ADCY9: variants seen among roughly 807,000 people sequenced by gnomAD.
ADCY9 encodes adenylate cyclase type 9.
Under a neutral mutation model 101.5 loss-of-function variants are expected in ADCY9, and 50 were observed. The ratio of observed to expected loss-of-function variants is 0.49; its 90% CI spans 0.39 to 0.62. The LOEUF (loss-of-function observed/expected upper bound fraction) is 0.62, where lower values mean the gene tolerates loss of function less well. Among genes scored for constraint, ADCY9 ranks in the 20% least tolerant of loss-of-function variants. The pLI is 0.00. For missense variants in ADCY9, 1,662 were observed against 1,800.4 expected (o/e 0.92, Z 1.39); for synonymous variants, 905 against 769.3 (o/e 1.18, Z -2.92).
At chr16:4,000,967 C>CCACACACA (rs2056325362) in intron 3 of ADCY9, among the ~76,000 whole-genome samples, 2 of 27,952 alleles carry the variant, frequency 7.2e-5, no homozygotes, top group Admixed American at 8.9e-4. Flanking sequence ...ATCCCTCTCT[C>CCACACACA]TACACACACA....
intron 2 of ADCY9, among the ~76,000 whole-genome samples, chr16:4,097,457 T>C (rs2057011286): frequency 7.5e-5 from 1 of 13,322 alleles, no homozygotes; most frequent in South Asian, 9.1e-3. Context: ...GAGTTACATA[T>C]ATATATATAT....
chr16:4,084,721 C>G (rs1313098230), intron 2 of ADCY9, among the ~76,000 whole-genome samples: 1 of 151,452 alleles, frequency 6.6e-6, no homozygotes, highest in Non-Finnish European at 1.5e-5. Flanking sequence ...GTGAGACTGT[C>G]TCAAAAACAA....
intron 5 of ADCY9, among the ~76,000 whole-genome samples, chr16:3,957,184 T>C (rs1381193499): frequency 6.6e-6 from 1 of 152,228 alleles, no homozygotes; most frequent in Non-Finnish European, 1.5e-5. Flanking sequence ...TGTTTCTGGC[T>C]GTTACCAGCA....
intron 2 of ADCY9, among the ~76,000 whole-genome samples, chr16:4,081,073 G>A (rs1171004762): frequency 1.3e-5 from 2 of 152,184 alleles, no homozygotes; most frequent in African/African-American, 4.8e-5. Flanking sequence ...ATATTTCTAG[G>A]TCTGTGCTTT....
At chr16:4,037,708 G>T (rs1281349115) in intron 2 of ADCY9, among the ~76,000 whole-genome samples, 1 of 152,150 alleles carries the variant, frequency 6.6e-6, no homozygotes, top group African/African-American at 2.4e-5. Flanking sequence ...GCATTTCTCT[G>T]TGATGAGTGA....
Position 3,966,023 on chromosome 16 carries a change from G to A in ADCY9, c.3814C>T (p.Arg1272Trp), listed in dbSNP as rs371680928. The change falls in exon 11 of 11, where the codon CGG (arginine) becomes TGG (tryptophan). Residue 1272 changes from arginine to tryptophan, a missense_variant. By Grantham distance (101) the Arg-to-Trp change is moderately radical. Coordinates refer to ENST00000294016, the MANE Select transcript of ADCY9 (RefSeq NM_001116.4). Reference sequence around the variant, plus strand: ...TTGGCAATCTCGTCTGTGGGAGACCGTCCGATGCTGCCATCCACCTGGACG... The same window carrying A: ...TTGGCAATCTCGTCTGTGGGAGACCATCCGATGCTGCCATCCACCTGGACG... ...IRVQVDGSIG[R>W]SPTDEIANLV... 9.3e-6 allele frequency: 15 copies of A among 1,614,080 alleles called. No homozygotes were observed. Among genetic ancestry groups the A allele is most frequent in the South Asian group, 3.3e-5 (3 of 91,088 alleles).
At chr16:3,958,604 G>A (rs1341089607), downstream of ADCY9, among the ~76,000 whole-genome samples, 1 of 148,374 alleles carries the variant, frequency 6.7e-6, no homozygotes, top group East Asian at 2.0e-4. Context: ...CAGCTGCCAT[G>A]AGCTCCTTCA....
At chr16:3,974,093 G>A (rs1273188728) in intron 10 of ADCY9, among the ~76,000 whole-genome samples, 3 of 152,220 alleles carry the variant, frequency 2.0e-5, no homozygotes, top group Non-Finnish European at 4.4e-5. Context: ...CCAGGCTGGA[G>A]TGCAGTGGCA....
intron 3 of ADCY9, among the ~76,000 whole-genome samples, chr16:4,005,956 AT>A (rs1454474203): frequency 6.6e-6 from 1 of 152,066 alleles, no homozygotes; most frequent in Non-Finnish European, 1.5e-5. Flanking sequence ...CCAGAGCTCC[AT>A]TTTCTGACTC....
intron 10 of ADCY9, among the ~76,000 whole-genome samples, chr16:3,971,089 C>G (rs1350443645): frequency 6.6e-6 from 1 of 152,122 alleles, no homozygotes; most frequent in Non-Finnish European, 1.5e-5. Flanking sequence ...CGCTTTCCTG[C>G]TGGAAGTCTG....
At chr16:4,054,836 G>C (rs1028850767) in intron 2 of ADCY9, among the ~76,000 whole-genome samples, 2 of 152,018 alleles carry the variant, frequency 1.3e-5, no homozygotes, top group African/African-American at 4.8e-5. Flanking sequence ...CAAAGTGCTG[G>C]GATTACAGGT....
intron 2 of ADCY9, among the ~76,000 whole-genome samples, chr16:4,035,998 C>CAAAAAAA (rs55792873): frequency 1.7e-4 from 4 of 23,164 alleles, no homozygotes; most frequent in African/African-American, 4.9e-4. Flanking sequence ...AACTCCATCT[C>CAAAAAAA]AAAAAAAAAA....
At chr16:4,053,485 G>T (rs1050535776) in intron 2 of ADCY9, among the ~76,000 whole-genome samples, 3 of 152,188 alleles carry the variant, frequency 2.0e-5, no homozygotes, top group Non-Finnish European at 2.9e-5. Context: ...CCTCTGGAGC[G>T]CTTCACGTGC....
chr16:3,979,333 G>A, intron 7 of ADCY9, 58 bp from the exon 8 acceptor site: 3 of 1,592,874 alleles, frequency 1.9e-6, no homozygotes, highest in East Asian at 4.5e-5. Flanking sequence ...TCATCGGCCA[G>A]GAGACAGGTG....
chr16:4,097,542 T>TAC (rs2057013960), intron 2 of ADCY9, among the ~76,000 whole-genome samples: 1 of 49,740 alleles, frequency 2.0e-5, no homozygotes, highest in Non-Finnish European at 3.7e-5. Context: ...TATATATATA[T>TAC]ATATATATAT....
Position 3,992,304 on chromosome 16 carries a change from C to A in ADCY9, c.2049G>T (p.Glu683Asp). The A allele has an allele frequency of 2.5e-6, 4 of 1,614,152 alleles. No individual in the cohort carries two copies. The South Asian group carries it at 3.3e-5, about 13-fold the overall frequency. Residue 683 changes from glutamate (E) to aspartate (D), a missense_variant, in exon 5 of 11, where the codon GAG (glutamate) becomes GAT (aspartate). Physicochemically the swap from Glu to Asp is conservative, Grantham distance 45. This residue lies in a region of ADCY9 where 624 missense variants were observed against 639.1 expected (regional missense o/e 0.98). Coordinates refer to ENST00000294016, the MANE Select transcript of ADCY9 (RefSeq NM_001116.4). The surrounding 1 kb of genome is among the most constrained non-coding windows in gnomAD (Gnocchi z 4.2). ...GAGAAGTCTGACTGTTGGTGAGCTT[C>A]TCCTCTTGGGGAGGGCTGAGGAGCC... Reference protein sequence around the residue: ...QNGLLSPPQEEKLTNSQTSLC... With the variant: ...QNGLLSPPQEDKLTNSQTSLC...
intron 6 of ADCY9, among the ~76,000 whole-genome samples, chr16:3,987,266 G>A (rs946071594): frequency 9.2e-5 from 14 of 152,342 alleles, no homozygotes; most frequent in East Asian, 1.9e-4. Context: ...ATCAGGCCAC[G>A]TCTTTCCCCC....
chr16:3,993,147 C>T (rs558364493), intron 4 of ADCY9, among the ~76,000 whole-genome samples: 5 of 152,308 alleles, frequency 3.3e-5, no homozygotes, highest in African/African-American at 4.8e-5. Flanking sequence ...CTCGAATCCA[C>T]GCATTTTAAA....
intron 2 of ADCY9, among the ~76,000 whole-genome samples, chr16:4,032,296 AAAAGAAAGAACG>A (rs2056561006): frequency 6.6e-6 from 1 of 151,748 alleles, no homozygotes; most frequent in Non-Finnish European, 1.5e-5. Flanking sequence ...CTCAAAAAAA[AAAAGAAAGAACG>A]AAAGAAAGAA....
Sources: allele counts gnomAD v4.1 joint callset (sites outside exome capture counted in the v4.1 genomes callset), GRCh38; gene constraint gnomAD v4.1.1; regional missense constraint gnomAD v4.1.1; non-coding constraint Gnocchi (gnomAD v3.1); transcripts MANE v1.5; gene names NCBI Gene and HGNC (gene_info 2026-07-23, HGNC 2026-07-21).